FHIT: variants seen among roughly 807,000 people sequenced by gnomAD.
FHIT encodes the protein fragile histidine triad diadenosine triphosphatase.
A neutral mutation model predicts 17.9 loss-of-function variants in FHIT; 19 were observed. That is an observed-to-expected ratio of 1.06 (90% CI 0.74 to 1.56). The LOEUF is 1.56. Ranked by LOEUF, FHIT falls within the 40% of genes most tolerant of loss-of-function variation. FHIT has a pLI of 0.00. For synonymous variants in FHIT, 81 were observed against 69.7 expected (o/e 1.16, Z -0.81); for missense variants, 248 against 189.2 (o/e 1.31, Z -1.82).
intron 4 of FHIT, among the ~76,000 whole-genome samples, chr3:60,781,003 C>T (rs891163767): frequency 7.2e-4 from 109 of 152,220 alleles, no homozygotes; most frequent in African/African-American, 2.5e-3. Context: ...CAACAGTCTG[C>T]GAGCCTAAAT....
chr3:61,087,659 TA>T (rs1559971100), intron 2 of FHIT, among the ~76,000 whole-genome samples: 1 of 152,108 alleles, frequency 6.6e-6, no homozygotes, highest in East Asian at 1.9e-4. Context: ...GAGCATCTGG[TA>T]AAATGCTAAG....
At chr3:59,851,701 G>T (rs893602321) in intron 8 of FHIT, among the ~76,000 whole-genome samples, 1 of 152,160 alleles carries the variant, frequency 6.6e-6, no homozygotes, top group Non-Finnish European at 1.5e-5. Flanking sequence ...CAAAACTACA[G>T]AATATCACTA....
intron 8 of FHIT, among the ~76,000 whole-genome samples, chr3:59,762,621 C>T (rs1701580033): frequency 6.6e-6 from 1 of 152,178 alleles, no homozygotes; most frequent in African/African-American, 2.4e-5. Flanking sequence ...TGGGAACGTT[C>T]TTTCAGTTAA....
intron 4 of FHIT, chr3:60,596,117 A>G: frequency 2.7e-6 from 1 of 366,240 alleles, no homozygotes; most frequent in Non-Finnish European, 3.8e-6. Flanking sequence ...AAGTATACTT[A>G]CCCATTATGA....
At chr3:60,402,020 C>G (rs1267261453) in intron 5 of FHIT, among the ~76,000 whole-genome samples, 1 of 152,144 alleles carries the variant, frequency 6.6e-6, no homozygotes, top group Non-Finnish European at 1.5e-5. Flanking sequence ...ATGGCCCTAA[C>G]TCCAGACACA....
chr3:60,261,764 C>T (rs530184611), intron 5 of FHIT, among the ~76,000 whole-genome samples: 4 of 150,544 alleles, frequency 2.7e-5, no homozygotes, highest in African/African-American at 4.8e-5. Flanking sequence ...GGACCTTCTT[C>T]CTGCCCTTCT....
At chr3:59,772,024 AAAAC>A (rs1702095576) in intron 8 of FHIT, among the ~76,000 whole-genome samples, 1 of 152,224 alleles carries the variant, frequency 6.6e-6, no homozygotes, top group Admixed American at 6.5e-5. Flanking sequence ...ATGACACACT[AAAAC>A]AAACACATAA....
At chr3:61,052,390 C>G (rs904201047) in intron 2 of FHIT, among the ~76,000 whole-genome samples, 2 of 152,136 alleles carry the variant, frequency 1.3e-5, no homozygotes, top group Non-Finnish European at 2.9e-5. Flanking sequence ...CGGTAAATAG[C>G]ATATCCAGGA....
At chr3:59,794,435 A>G (rs1477067727) in intron 8 of FHIT, among the ~76,000 whole-genome samples, 2 of 152,192 alleles carry the variant, frequency 1.3e-5, no homozygotes, top group Non-Finnish European at 2.9e-5. Flanking sequence ...GTTTTCCTCC[A>G]TTGCTACTTT....
At chr3:61,175,159 G>T (rs1045842616) in intron 2 of FHIT, among the ~76,000 whole-genome samples, 6 of 152,124 alleles carry the variant, frequency 3.9e-5, no homozygotes, top group Admixed American at 2.6e-4. Context: ...ATACCTCACA[G>T]TTTGTCACAC....
At chr3:60,789,464 G>A (rs923363590) in intron 4 of FHIT, among the ~76,000 whole-genome samples, 1 of 152,182 alleles carries the variant, frequency 6.6e-6, no homozygotes, top group Non-Finnish European at 1.5e-5. Context: ...GTTGCAGTGA[G>A]CCAAGATTGT....
At chr3:61,170,483 A>G (rs9814044) in intron 2 of FHIT, among the ~76,000 whole-genome samples, 70,633 of 151,770 alleles carry the variant, frequency 0.47, 17,297 homozygotes, top group East Asian at 0.87. Flanking sequence ...CACATGTTAA[A>G]CCTAGTACCC....
intron 5 of FHIT, among the ~76,000 whole-genome samples, chr3:60,169,637 G>C (rs891495496): frequency 1.3e-5 from 2 of 152,140 alleles, no homozygotes; most frequent in African/African-American, 4.8e-5. Flanking sequence ...AGTATATTTT[G>C]GGAAAGTAAT....
intron 4 of FHIT, among the ~76,000 whole-genome samples, chr3:60,781,719 G>T (rs12492901): frequency 0.14 from 21,657 of 152,078 alleles, 1,694 homozygotes; most frequent in African/African-American, 0.2. Context: ...GAAGCTTAAG[G>T]TCTTCTACAA....
intron 3 of FHIT, among the ~76,000 whole-genome samples, chr3:60,848,015 T>C (rs1702992897): frequency 6.6e-6 from 1 of 152,178 alleles, no homozygotes; most frequent in African/African-American, 2.4e-5. Context: ...ACTTCCTACT[T>C]ATTGCTGCAT....
intron 8 of FHIT, among the ~76,000 whole-genome samples, chr3:59,832,556 T>G (rs1701201272): frequency 6.6e-6 from 1 of 152,230 alleles, no homozygotes; most frequent in African/African-American, 2.4e-5. Flanking sequence ...TCTGCATTTT[T>G]GTCCTCTGCA....
intron 5 of FHIT, among the ~76,000 whole-genome samples, chr3:60,281,147 A>G (rs1707430673): frequency 6.8e-6 from 1 of 146,080 alleles, no homozygotes; most frequent in South Asian, 2.1e-4. Context: ...CTAACAATAT[A>G]TGTACAGGAT....
At chr3:59,801,351 T>C (rs1383553923) in intron 8 of FHIT, among the ~76,000 whole-genome samples, 1 of 149,308 alleles carries the variant, frequency 6.7e-6, no homozygotes, top group Non-Finnish European at 1.5e-5. Flanking sequence ...GTTTTTGTGA[T>C]GGATTTGTTC....
chr3:60,398,113 G>C (rs2107179419), intron 5 of FHIT, among the ~76,000 whole-genome samples: 1 of 152,158 alleles, frequency 6.6e-6, no homozygotes, highest in Non-Finnish European at 1.5e-5. Context: ...CTGGTTGTGA[G>C]ACAAGAACTC....
Sources: allele counts gnomAD v4.1 joint callset (sites outside exome capture counted in the v4.1 genomes callset), GRCh38; gene constraint gnomAD v4.1.1; transcripts MANE v1.5; gene names NCBI Gene and HGNC (gene_info 2026-07-23, HGNC 2026-07-21).